FOXN3: variants seen among roughly 807,000 people sequenced by gnomAD.
FOXN3 encodes forkhead box protein N3.
In FOXN3, 7 loss-of-function variants were observed where a neutral mutation model predicts 38.4. The observed-to-expected ratio is 0.18, with a 90% CI of 0.10 to 0.34. The LOEUF is 0.34. Among genes scored for constraint, FOXN3 ranks in the 10% least tolerant of loss-of-function variants. The probability of loss-of-function intolerance (pLI) is 1.00; values close to 1 mark genes in which losing one functional copy is unlikely to be tolerated. For synonymous variants in FOXN3, 230 were observed against 242.2 expected (o/e 0.95, Z 0.47); for missense variants, 456 against 613.4 (o/e 0.74, Z 2.71).
chr14:89,521,908 T>C (rs1566685207), intron 1 of FOXN3, among the ~76,000 whole-genome samples: 1 of 151,744 alleles, frequency 6.6e-6, no homozygotes, highest in Non-Finnish European at 1.5e-5. Flanking sequence ...TTCCAGCTAC[T>C]CAGGAGGCTG....
rs902908357 is a variant in FOXN3 at position 89,579,756 on chromosome 14, C to A, written c.-15+39272G>T. 2.0e-5 allele frequency among the ~76,000 whole-genome samples: 3 copies of A among 152,306 alleles called. No homozygotes were observed. In the South Asian group the frequency reaches 6.2e-4, roughly 32 times the overall value. On this transcript the variant is annotated intron_variant, in intron 1 of 6. Transcript: ENST00000345097. ...TGGCCACCCTTACCAAATGGTTCAA[C>A]TACCATTCTTTGTCATTTTTTTTAC... is the stretch of plus-strand genomic sequence containing the variant.
chr14:89,411,907 C>A, intron 2 of FOXN3, 27 bp downstream of exon 2: 4 of 1,290,752 alleles, frequency 3.1e-6, no homozygotes, highest in African/African-American at 1.5e-5. Flanking sequence ...AAAAAGAAAA[C>A]CTTGGGTTCC....
chr14:89,371,776 G>A (rs1322748375), intron 2 of FOXN3, among the ~76,000 whole-genome samples: 6 of 152,048 alleles, frequency 3.9e-5, no homozygotes, highest in Non-Finnish European at 7.4e-5. Flanking sequence ...TTAACCCCCT[G>A]ACTCCCTCTG....
chr14:89,423,286 G>T (rs943215786), intron 1 of FOXN3, among the ~76,000 whole-genome samples: 6 of 152,204 alleles, frequency 3.9e-5, no homozygotes, highest in Admixed American at 1.3e-4. Flanking sequence ...CTCAGTCAAG[G>T]TTCTTAACTT....
intron 4 of FOXN3, among the ~76,000 whole-genome samples, chr14:89,260,592 A>G (rs1885768430): frequency 6.6e-6 from 1 of 152,188 alleles, no homozygotes; most frequent in Non-Finnish European, 1.5e-5. Context: ...CCGACTTGCT[A>G]TTAGTTGTTA....
chr14:89,184,274 TTGG>T (rs1596086245), intron 4 of FOXN3: 2 of 152,194 alleles, frequency 1.3e-5, no homozygotes, highest in East Asian at 3.9e-4. Context: ...ACACGTAAAG[TTGG>T]ACAAAGATGA....
chr14:89,354,857 AAAAT>A lies in FOXN3; in HGVS notation c.544-4053_544-4050del, dbSNP rs574717535. On this transcript the variant is annotated intron_variant, in intron 2 of 5. Transcript: ENST00000557258. ...GTGACAGAGTGAGACTCCGTCTCAA[AAAAT>A]AAATAAATAAATAAATAAATAACTG... is the stretch of plus-strand genomic sequence containing the variant. Among the ~76,000 whole-genome samples the A allele has an allele frequency of 5.3e-5, 8 of 151,888 alleles. No homozygotes were observed. In the East Asian group the frequency reaches 7.8e-4, roughly 15 times the overall value.
intron 1 of FOXN3, among the ~76,000 whole-genome samples, chr14:89,474,916 G>A (rs1359905336): frequency 1.3e-5 from 2 of 152,084 alleles, no homozygotes; most frequent in African/African-American, 4.8e-5. Context: ...CCTGGGTTGA[G>A]GCAATTTTCC....
chr14:89,373,394 G>A (rs1027299682), intron 2 of FOXN3, among the ~76,000 whole-genome samples: 1 of 130,914 alleles, frequency 7.6e-6, no homozygotes, highest in Non-Finnish European at 1.6e-5. Context: ...AGGTCCTGGA[G>A]TTATAGCATT....
intron 1 of FOXN3, among the ~76,000 whole-genome samples, chr14:89,520,167 C>T (rs963099546): frequency 6.6e-5 from 10 of 151,320 alleles, no homozygotes; most frequent in South Asian, 2.1e-4. Flanking sequence ...CCGTGTACCT[C>T]GACGTCCAGT....
intron 1 of FOXN3, among the ~76,000 whole-genome samples, chr14:89,450,667 C>A (rs997749389): frequency 1.3e-5 from 2 of 151,810 alleles, no homozygotes; most frequent in African/African-American, 2.4e-5. Flanking sequence ...CTCACTGTAA[C>A]ATCCGCCTCC....
rs990169893 is a variant in FOXN3, at chr14:89,224,889, G to A, written c.746-44083C>T. On this transcript the variant is annotated intron_variant, in intron 4 of 5. Coordinates refer to ENST00000557258, the MANE Select transcript of FOXN3 (RefSeq NM_005197.4). ...CTCACGCTTGTAAGCCCAGCACTTT[G>A]GGAGGCCGAGGCGGGCGGATCACGA... Among the ~76,000 whole-genome samples the A allele has an allele frequency of 1.6e-3, 242 of 152,260 alleles. 1 individual carries two copies. The highest frequency in any genetic ancestry group is 3.4e-3 in the Middle Eastern group (1 of 294).
intron 2 of FOXN3, among the ~76,000 whole-genome samples, chr14:89,362,888 T>A (rs1401547045): frequency 2.0e-5 from 3 of 149,956 alleles, no homozygotes. Context: ...TAACGAAAGG[T>A]GGATCGTTGG....
intron 3 of FOXN3, among the ~76,000 whole-genome samples, chr14:89,317,825 T>TCGC (rs1484613718): frequency 6.6e-6 from 1 of 151,464 alleles, no homozygotes; most frequent in Non-Finnish European, 1.5e-5. Flanking sequence ...CTGCCTGACT[T>TCGC]CGCCTCCCTC....
chr14:89,403,990 G>A (rs556338138), intron 2 of FOXN3, among the ~76,000 whole-genome samples: 1 of 152,348 alleles, frequency 6.6e-6, no homozygotes, highest in South Asian at 2.1e-4. Flanking sequence ...GGGAGACTCT[G>A]AGGGGAGGGC....
intron 4 of FOXN3, among the ~76,000 whole-genome samples, chr14:89,197,297 A>T (rs1241434847): frequency 6.6e-6 from 1 of 152,188 alleles, no homozygotes; most frequent in African/African-American, 2.4e-5. Context: ...GATTGAGGTC[A>T]GGAGTTCAAG....
At chr14:89,404,737 G>A (rs2140090997) in intron 2 of FOXN3, among the ~76,000 whole-genome samples, 1 of 152,128 alleles carries the variant, frequency 6.6e-6, no homozygotes, top group South Asian at 2.1e-4. Context: ...CGGTGAGAAG[G>A]AGGCCGTCTT....
At chr14:89,288,716 CTCTCTCTCTATATATATATATA>C (rs1886748876) in intron 3 of FOXN3, among the ~76,000 whole-genome samples, 60 of 51,714 alleles carry the variant, frequency 1.2e-3, no homozygotes, top group African/African-American at 2.1e-3. Flanking sequence ...CTCTCTCTCT[CTCTCTCTCTATATATATATATA>C]TATATATATA....
At chr14:89,527,385 C>T (rs1365594082) in intron 1 of FOXN3, among the ~76,000 whole-genome samples, 1 of 152,178 alleles carries the variant, frequency 6.6e-6, no homozygotes, top group Non-Finnish European at 1.5e-5. Flanking sequence ...ATAAATATGA[C>T]TTCAAAATTA....
Sources: allele counts gnomAD v4.1 joint callset (sites outside exome capture counted in the v4.1 genomes callset), GRCh38; gene constraint gnomAD v4.1.1; transcripts MANE v1.5; gene names NCBI Gene and HGNC (gene_info 2026-07-23, HGNC 2026-07-21).